The following CTTNBP2 variants were observed in gnomAD, a reference collection of about 807,000 sequenced individuals.
The protein encoded by CTTNBP2 is cortactin-binding protein 2.
CTTNBP2 carries 108 observed loss-of-function variants against 156.9 expected under a neutral mutation model. That is an observed-to-expected ratio of 0.69 (90% confidence interval 0.59 to 0.81). The LOEUF (loss-of-function observed/expected upper bound fraction) is 0.81. CTTNBP2 is among the 30% of genes least tolerant of loss of function. The pLI, the probability that CTTNBP2 is intolerant of heterozygous loss-of-function variation, is 0.00. For synonymous variants in CTTNBP2, 767 were observed against 751.8 expected, an observed-to-expected ratio of 1.02 and a Z score of -0.33; for missense variants, 1,924 against 2,035.4, an observed-to-expected ratio of 0.95 and a Z score of 1.05.
At chr7:117,805,325 G>A (rs574829213) in intron 3 of CTTNBP2, among the ~76,000 whole-genome samples, 1 of 152,232 alleles carries the variant, frequency 6.6e-6, no homozygotes, top group African/African-American at 2.4e-5. Context: ...AAGAAATACA[G>A]TACATATAGG....
intron 3 of CTTNBP2, among the ~76,000 whole-genome samples, chr7:117,810,559 A>G (rs911995830): frequency 5.3e-5 from 8 of 152,216 alleles, no homozygotes; most frequent in African/African-American, 1.9e-4. Flanking sequence ...TTTCTGTTAT[A>G]CTTCCTTTAT....
At chr7:117,711,978 C>T (rs1006313709) in intron 22 of CTTNBP2, among the ~76,000 whole-genome samples, 196 bp from the exon 23 acceptor site, 2 of 152,068 alleles carry the variant, frequency 1.3e-5, no homozygotes, top group Non-Finnish European at 2.9e-5. Flanking sequence ...TTCATTAATC[C>T]ATCTGCTGTT....
At chr7:117,804,791 T>C (rs1799836343) in intron 3 of CTTNBP2, among the ~76,000 whole-genome samples, 1 of 152,064 alleles carries the variant, frequency 6.6e-6, no homozygotes, top group South Asian at 2.1e-4. Flanking sequence ...GGGTAGAGCA[T>C]CAGGAAGGAT....
At chr7:117,729,318 G>A (rs894462397) in intron 16 of CTTNBP2, among the ~76,000 whole-genome samples, 1 of 152,162 alleles carries the variant, frequency 6.6e-6, no homozygotes, top group Non-Finnish European at 1.5e-5. Flanking sequence ...CAAGTTGGCT[G>A]TATTATGGGA....
chr7:117,736,446 A>T (rs953678758), intron 14 of CTTNBP2, among the ~76,000 whole-genome samples: 4 of 152,214 alleles, frequency 2.6e-5, no homozygotes, highest in Non-Finnish European at 5.9e-5. Flanking sequence ...TCTAGAAAAA[A>T]AAAAAATGTA....
intron 2 of CTTNBP2, among the ~76,000 whole-genome samples, chr7:117,835,615 C>T (rs541190400): frequency 2.8e-4 from 43 of 152,346 alleles, no homozygotes; most frequent in Non-Finnish European, 5.7e-4. Context: ...CAAACCTATA[C>T]TGGTTCAGGG....
In CTTNBP2 at chr7:117,756,587, G is replaced by T. The variant is rs1796896742; in HGVS notation, c.3316C>A (p.Pro1106Thr). The T allele has an allele frequency of 2.5e-6, 4 of 1,613,640 alleles. No individual in the cohort carries two copies. Among genetic ancestry groups the T allele is most frequent in the African/African-American group, 1.3e-5 (1 of 74,870 alleles). The change falls in exon 12 of 23, where the codon CCT becomes ACT. Residue 1106 changes from proline to threonine, a missense_variant. Transcript: ENST00000160373. The stretch of plus-strand genomic sequence containing the variant: ...AGGTAGTTCTGCATCATCTGGAGAG[G>T]GATCATGGAGGCATAAGTCACACTA... ...LSSVTYASMIPLQMMQNYLRL... is the reference protein window; with the variant it reads ...LSSVTYASMITLQMMQNYLRL...
chr7:117,719,387 G>C (rs1794649694), intron 21 of CTTNBP2, 117 bp downstream of exon 21: 1 of 961,246 alleles, frequency 1.0e-6, no homozygotes, highest in Non-Finnish European at 1.5e-6. Flanking sequence ...GGGATGGTTT[G>C]ATTTGGATCA....
intron 9 of CTTNBP2, among the ~76,000 whole-genome samples, chr7:117,762,657 A>C (rs1343105200): frequency 1.3e-5 from 2 of 152,166 alleles, no homozygotes; most frequent in Admixed American, 6.5e-5. Flanking sequence ...ATTCTCAACA[A>C]AGCAGCCAGT....
chr7:117,752,114 T>A (rs760745866), intron 12 of CTTNBP2, among the ~76,000 whole-genome samples: 4 of 152,174 alleles, frequency 2.6e-5, no homozygotes, highest in Non-Finnish European at 5.9e-5. Context: ...ACAACCTTAT[T>A]TTTATAGGAA....
intron 3 of CTTNBP2, among the ~76,000 whole-genome samples, chr7:117,794,999 A>T (rs1244957648): frequency 7.0e-6 from 1 of 142,792 alleles, no homozygotes; most frequent in African/African-American, 2.6e-5. Context: ...GGTTCACGCC[A>T]TTCTCCTGCC....
intron 2 of CTTNBP2, among the ~76,000 whole-genome samples, chr7:117,829,410 G>A (rs548324794): frequency 5.3e-5 from 8 of 152,250 alleles, no homozygotes; most frequent in Non-Finnish European, 1.0e-4. Flanking sequence ...TTACATGGAA[G>A]TGTTGGTTTA....
chr7:117,747,430 C>G (rs750658904), intron 12 of CTTNBP2, among the ~76,000 whole-genome samples: 1 of 152,188 alleles, frequency 6.6e-6, no homozygotes, highest in East Asian at 1.9e-4. Context: ...AAGAAAAGCT[C>G]TTAGCATAAG....
At chr7:117,788,276 G>A (rs1209272201) in intron 4 of CTTNBP2, among the ~76,000 whole-genome samples, 1 of 152,166 alleles carries the variant, frequency 6.6e-6, no homozygotes, top group African/African-American at 2.4e-5. Flanking sequence ...AGCCAGCAAT[G>A]CTTTTGTTTT....
At chr7:117,842,012 G>A (rs1289752037) in intron 2 of CTTNBP2, among the ~76,000 whole-genome samples, 19 of 152,044 alleles carry the variant, frequency 1.2e-4, no homozygotes, top group Admixed American at 9.2e-4. Context: ...CTTGGAAAAA[G>A]GGACACCTGG....
At chr7:117,849,066 C>T (rs1267122738) in intron 2 of CTTNBP2, among the ~76,000 whole-genome samples, 2 of 152,168 alleles carry the variant, frequency 1.3e-5, no homozygotes, top group Non-Finnish European at 2.9e-5. Flanking sequence ...TTTGAAAAAG[C>T]TGTCCTGAGA....
At chr7:117,763,075 C>T (rs1268088609) in intron 9 of CTTNBP2, among the ~76,000 whole-genome samples, 1 of 152,196 alleles carries the variant, frequency 6.6e-6, no homozygotes, top group Non-Finnish European at 1.5e-5. Context: ...CCTCATCCCC[C>T]TTAGTCTTTT....
chr7:117,856,569 C>G (rs1179982478), intron 2 of CTTNBP2, among the ~76,000 whole-genome samples: 1 of 152,132 alleles, frequency 6.6e-6, no homozygotes, highest in East Asian at 1.9e-4. Context: ...AAATGTTAAA[C>G]TGGCTAATTT....
Position 117,784,446 on chromosome 7 carries a change from G to A in CTTNBP2, c.2077C>T (p.Pro693Ser), listed in dbSNP as rs1202535291. 1.9e-6 allele frequency: 3 copies of A among 1,589,956 alleles called. No individual in the cohort carries two copies. The highest frequency in any genetic ancestry group is 2.7e-5 in the African/African-American group (2 of 73,822). Residue 693 changes from proline (P) to serine (S), a missense_variant, in exon 5 of 23, where the codon CCC (proline) becomes TCC (serine). Physicochemically the swap from Pro to Ser is moderately conservative, Grantham distance 74. Transcript: ENST00000160373. ...SLLVTASGWS[P>S]SLTPLLMSGG... ...CTCATTAGCAAAGGGGTTAGGGAGG[G>A]TGACCAGCCTGTAGGTTAAAGTGAC...
Sources: gnomAD v4.1 joint callset for allele counts (sites outside exome capture counted in the v4.1 genomes callset) on GRCh38, gnomAD v4.1.1 for gene constraint, MANE v1.5 for transcripts, NCBI Gene and HGNC (gene_info 2026-07-23, HGNC 2026-07-21) for gene names.